The following ZSCAN25 variants were observed in gnomAD, a reference collection of about 807,000 sequenced individuals.
ZSCAN25 encodes the protein zinc finger and SCAN domain containing 25.
ZSCAN25 carries 27 observed loss-of-function variants against 38.7 expected under a neutral mutation model. The ratio of observed to expected loss-of-function variants is 0.70; its 90% CI spans 0.51 to 0.96. The LOEUF (loss-of-function observed/expected upper bound fraction) is 0.96. ZSCAN25 is among the 40% of genes least tolerant of loss of function. The probability of loss-of-function intolerance (pLI) is 0.00; values close to 1 mark genes in which losing one functional copy is unlikely to be tolerated. For missense variants in ZSCAN25, 637 were observed against 705.9 expected, an observed-to-expected ratio of 0.90 and a Z score of 1.11; for synonymous variants, 273 against 277.7, an observed-to-expected ratio of 0.98 and a Z score of 0.17.
At chr7:99,640,747 TA>T in the ZSCAN25 span, among the ~76,000 whole-genome samples, 2,581 of 152,172 alleles carry the variant, frequency 0.017, 64 homozygotes, top group African/African-American at 0.057. Context: ...TATGTTTTGA[TA>T]AAAAAACTCC....
At chr7:99,720,383 G>A in the ZSCAN25 span, 1 of 1,613,716 alleles carries the variant, frequency 6.2e-7, no homozygotes. Context: ...ATCTGTGATA[G>A]CCAGCATAGG....
intron 1 of ZSCAN25, among the ~76,000 whole-genome samples, chr7:99,617,639 GGA>G (rs894938673): frequency 6.6e-6 from 1 of 152,188 alleles, no homozygotes; most frequent in Admixed American, 6.5e-5. Context: ...CAGCTACTCG[GGA>G]GGCTGAGGTG....
At chr7:99,652,191 A>G in the ZSCAN25 span, 1 of 148,844 alleles carries the variant, frequency 6.7e-6, no homozygotes, top group South Asian at 2.1e-4. Flanking sequence ...ATATATACAT[A>G]TATATGTATA....
chr7:99,664,693 T>C, the ZSCAN25 span, among the ~76,000 whole-genome samples: 3 of 152,122 alleles, frequency 2.0e-5, no homozygotes, highest in Admixed American at 6.5e-5. Flanking sequence ...CAGAGGGAAA[T>C]TTATAGCTGT....
At chr7:99,686,966 C>G in the ZSCAN25 span, among the ~76,000 whole-genome samples, 1 of 152,160 alleles carries the variant, frequency 6.6e-6, no homozygotes, top group Non-Finnish European at 1.5e-5. Flanking sequence ...AGCTGAGGGT[C>G]CTGTCAGAAG....
the ZSCAN25 span, chr7:99,647,438 A>C: frequency 1.1e-6 from 1 of 939,060 alleles, no homozygotes; most frequent in Non-Finnish European, 1.3e-6. Flanking sequence ...CATGCTGCCC[A>C]ATCAACTGAC....
the ZSCAN25 span, chr7:99,652,775 G>A: frequency 1.2e-6 from 2 of 1,612,674 alleles, no homozygotes; most frequent in Non-Finnish European, 1.7e-6. Flanking sequence ...ATAGGTAGGT[G>A]GTGCCTGGAA....
chr7:99,667,813 T>TA, the ZSCAN25 span, among the ~76,000 whole-genome samples: 1 of 152,136 alleles, frequency 6.6e-6, no homozygotes, highest in African/African-American at 2.4e-5. Context: ...AGACAATCTG[T>TA]AAAAAAATCA....
chr7:99,619,599 G>T lies in ZSCAN25; in HGVS notation c.-8G>T, dbSNP rs201005679. 1.2e-6 allele frequency: 2 copies of T among 1,608,346 alleles called. No homozygotes were observed. The highest frequency in any genetic ancestry group is 1.7e-6 in the Non-Finnish European group (2 of 1,176,296). ...GTCATTCTCAGTCTCCTCGGAGGGA[G>T]TCTGAAGATGCTTAAAGAGCATCCA... On this transcript the variant is annotated 5_prime_UTR_variant, in exon 4 of 8. Coordinates refer to ENST00000394152, the MANE Select transcript of ZSCAN25 (RefSeq NM_145115.3).
At chr7:99,661,313 A>G in the ZSCAN25 span, among the ~76,000 whole-genome samples, 4 of 152,232 alleles carry the variant, frequency 2.6e-5, no homozygotes, top group African/African-American at 7.2e-5. Context: ...TGCAGGAGAT[A>G]TGGTGATTTG....
At chr7:99,657,047 A>AT in the ZSCAN25 span, among the ~76,000 whole-genome samples, 2 of 151,808 alleles carry the variant, frequency 1.3e-5, no homozygotes, top group Admixed American at 1.3e-4. Flanking sequence ...GGATTCATTG[A>AT]TTTTTTTGAA....
intron 7 of ZSCAN25, 180 bp downstream of exon 7, chr7:99,624,360 A>C: frequency 1.5e-6 from 1 of 675,854 alleles, no homozygotes; most frequent in Non-Finnish European, 2.5e-6. Flanking sequence ...AGAGGAGCCA[A>C]ATGATGGAGC....
At chr7:99,678,488 G>A in the ZSCAN25 span, among the ~76,000 whole-genome samples, 1 of 152,126 alleles carries the variant, frequency 6.6e-6, no homozygotes, top group Non-Finnish European at 1.5e-5. Context: ...GGCCGGACAG[G>A]TATATTTGAA....
At chr7:99,735,292 G>A in the ZSCAN25 span, 4 of 646,928 alleles carry the variant, frequency 6.2e-6, no homozygotes, top group African/African-American at 5.5e-5. Flanking sequence ...GCCTGCAGTC[G>A]GAAGAGGCTT....
chr7:99,670,085 T>G, the ZSCAN25 span, among the ~76,000 whole-genome samples: 4,277 of 152,316 alleles, frequency 0.028, 92 homozygotes, highest in South Asian at 0.073. Flanking sequence ...AAAGTATGGA[T>G]GCTGACTCTA....
chr7:99,661,369 C>T, the ZSCAN25 span, among the ~76,000 whole-genome samples: 1 of 152,188 alleles, frequency 6.6e-6, no homozygotes, highest in East Asian at 1.9e-4. Context: ...CTTTGACAGG[C>T]ATCAGGCAAT....
At chr7:99,672,961 CAGT>C in the ZSCAN25 span, 1 of 1,133,500 alleles carries the variant, frequency 8.8e-7, no homozygotes, top group African/African-American at 1.6e-5. Context: ...TTAGAAATGA[CAGT>C]AGAGCATTCG....
At chr7:99,650,632 G>C in the ZSCAN25 span, among the ~76,000 whole-genome samples, 1 of 152,164 alleles carries the variant, frequency 6.6e-6, no homozygotes, top group Non-Finnish European at 1.5e-5. Context: ...AAAGGAGAAG[G>C]AGAAAACGTC....
At chr7:99,714,784 A>C in the ZSCAN25 span, 1 of 1,544,214 alleles carries the variant, frequency 6.5e-7, no homozygotes, top group Non-Finnish European at 8.7e-7. Context: ...AGTGAAATAC[A>C]TCAGTGTTCT....
Sources: allele counts gnomAD v4.1 joint callset (sites outside exome capture counted in the v4.1 genomes callset), GRCh38; gene constraint gnomAD v4.1.1; transcripts MANE v1.5; gene names NCBI Gene and HGNC (gene_info 2026-07-23, HGNC 2026-07-21).